The following B3GAT1 variants were observed in gnomAD, a reference collection of about 807,000 sequenced individuals.
B3GAT1 encodes the protein galactosylgalactosylxylosylprotein 3-beta-glucuronosyltransferase 1.
B3GAT1 carries 11 observed loss-of-function variants against 28.4 expected under a neutral mutation model. The ratio of observed to expected loss-of-function variants is 0.39; its 90% CI spans 0.24 to 0.64. The LOEUF (loss-of-function observed/expected upper bound fraction) is 0.64, where lower values mean the gene tolerates loss of function less well. Ranked by LOEUF, B3GAT1 falls within the 30% of genes least tolerant of loss-of-function variation. The pLI is 0.50. For missense variants in B3GAT1, 375 were observed against 491.0 expected, an observed-to-expected ratio of 0.76 and a Z score of 2.23; for synonymous variants, 255 against 223.1, an observed-to-expected ratio of 1.14 and a Z score of -1.27.
intron 1 of B3GAT1, among the ~76,000 whole-genome samples, chr11:134,398,868 G>T (rs1466622854): frequency 6.6e-6 from 1 of 152,242 alleles, no homozygotes; most frequent in Non-Finnish European, 1.5e-5. Flanking sequence ...CCCTGCCCTT[G>T]TTCATCAGAG....
Position 134,393,705 on chromosome 11 carries a change from C to T in B3GAT1, c.-281-5765G>A, listed in dbSNP as rs1046952687. ...TGAGTGCTGTGAACAGGCTGGGAAC[C>T]GGCGTCACTGACTCTTGAGGGCGTG... is the stretch of plus-strand genomic sequence containing the variant. On this transcript the variant is annotated intron_variant, in intron 1 of 5. Coordinates refer to ENST00000312527, the MANE Select transcript of B3GAT1 (RefSeq NM_054025.3). This position sits in a 1 kb window ranked among gnomAD's most constrained non-coding sequence, Gnocchi z 4.0. 1.6e-4 allele frequency among the ~76,000 whole-genome samples: 24 copies of T among 152,158 alleles called. 1 individual carries two copies. Among genetic ancestry groups the T allele is most frequent in the African/African-American group, 2.9e-4 (12 of 41,426 alleles).
chr11:134,384,720 A>T (rs1331523878), intron 2 of B3GAT1: 1 of 153,624 alleles, frequency 6.5e-6, no homozygotes, highest in Non-Finnish European at 1.4e-5. Context: ...CAAGCCCTCC[A>T]GTCAAGCGGG....
intron 1 of B3GAT1, among the ~76,000 whole-genome samples, chr11:134,397,278 C>T (rs76423548): frequency 0.043 from 6,551 of 152,228 alleles, 472 homozygotes; most frequent in African/African-American, 0.15. Context: ...GACCCTCCAA[C>T]CCCAGCCTGC....
At position 134,395,525 on chromosome 11, in the gene B3GAT1, G is replaced by A. The variant is rs948985667; in HGVS notation, c.-281-7585C>T. 3.0e-4 allele frequency among the ~76,000 whole-genome samples: 45 copies of A among 152,070 alleles called. 2 individuals are homozygous for A. The highest frequency in any genetic ancestry group is 2.9e-5 in the Non-Finnish European group (2 of 68,016). On this transcript the variant is annotated intron_variant, in intron 1 of 5. Transcript: ENST00000312527. ...ACTTGGCCACTTGACCCCTGCCTGC[G>A]TGATAGGGATTACTGAGGGTCATGC... is the stretch of plus-strand genomic sequence containing the variant.
At chr11:134,383,166 C>T (rs985467132) in intron 3 of B3GAT1, among the ~76,000 whole-genome samples, 160 bp from the exon 4 acceptor site, 1 of 152,166 alleles carries the variant, frequency 6.6e-6, no homozygotes. Flanking sequence ...CAGGACCCAT[C>T]CCATGGGTTG....
Position 134,387,644 on chromosome 11 carries a change from C to T in B3GAT1, c.16G>A (p.Asp6Asn). MPKRR[D>N]ILAIVLIVLP... ...ACGATGAGGACGATCGCTAGGATGT[C>T]CCGTCTCTTCGGCATCTCCAAGGCT... Residue 6 changes from aspartate (D) to asparagine (N), a missense_variant, in exon 2 of 6, where the codon GAC becomes AAC. By Grantham distance (23) the Asp-to-Asn change is conservative. Coordinates refer to ENST00000312527, the MANE Select transcript of B3GAT1 (RefSeq NM_054025.3). 6.2e-7 allele frequency: 1 copy of T among 1,614,144 alleles called. No individual in the cohort carries two copies. The highest frequency in any genetic ancestry group is 2.2e-5 in the East Asian group (1 of 44,886).
chr11:134,410,792 T>C (rs1944838128), intron 1 of B3GAT1, among the ~76,000 whole-genome samples: 1 of 152,210 alleles, frequency 6.6e-6, no homozygotes, highest in Non-Finnish European at 1.5e-5. Flanking sequence ...CATCCAGGCA[T>C]TGCACAGTGC....
chr11:134,381,891 C>T, intron 5 of B3GAT1, 33 bp downstream of exon 5: 1 of 1,555,340 alleles, frequency 6.4e-7, no homozygotes, highest in Non-Finnish European at 8.9e-7. Flanking sequence ...GCCGCCCTGC[C>T]CAGTGTGTGG....
chr11:134,393,677 C>T lies in B3GAT1; in HGVS notation c.-281-5737G>A, dbSNP rs548597207. On this transcript the variant is annotated intron_variant, in intron 1 of 5. Transcript: ENST00000312527. The surrounding 1 kb of genome is among the most constrained non-coding windows in gnomAD (Gnocchi z 4.0). ...TCTGTGATGACAGTAGCAAGCGAGA[C>T]GGTGAGTGCTGTGAACAGGCTGGGA... Among the ~76,000 whole-genome samples, 27 of 152,312 alleles carry T rather than the reference C, an allele frequency of 1.8e-4. No individual in the cohort carries two copies. The highest frequency in any genetic ancestry group is 3.5e-4 in the Non-Finnish European group (24 of 68,040).
intron 1 of B3GAT1, among the ~76,000 whole-genome samples, chr11:134,403,987 A>ATATATATT (rs1421910380): frequency 3.5e-5 from 1 of 28,474 alleles, no homozygotes; most frequent in East Asian, 8.2e-4. Context: ...CTTTCTTTAT[A>ATATATATT]TATATATATA....
chr11:134,400,482 A>G (rs1270427894), intron 1 of B3GAT1, among the ~76,000 whole-genome samples: 1 of 152,216 alleles, frequency 6.6e-6, no homozygotes, highest in African/African-American at 2.4e-5. Context: ...TGAATGTTAG[A>G]TCATATAGAA....
chr11:134,400,613 A>C (rs1037033292), intron 1 of B3GAT1, among the ~76,000 whole-genome samples: 2 of 152,234 alleles, frequency 1.3e-5, no homozygotes, highest in Admixed American at 6.5e-5. Flanking sequence ...AATGAACTCA[A>C]GATGGACCAA....
At chr11:134,409,373 C>T (rs1221244330) in intron 1 of B3GAT1, among the ~76,000 whole-genome samples, 1 of 152,174 alleles carries the variant, frequency 6.6e-6, no homozygotes, top group East Asian at 1.9e-4. Flanking sequence ...TTTCCCCAGA[C>T]CCCACATCCT....
Position 134,383,823 on chromosome 11 carries a change from C to T in B3GAT1, c.478G>A (p.Asp160Asn), listed in dbSNP as rs1222311611. 6.3e-7 allele frequency: 1 copy of T among 1,595,378 alleles called. No homozygotes were observed. The highest frequency in any genetic ancestry group is 1.1e-5 in the South Asian group (1 of 89,054). The change falls in exon 3 of 6, where the codon GAC becomes AAC. Residue 160 changes from aspartate (D) to asparagine (N), a missense_variant. Asp to Asn is a conservative substitution (Grantham distance 23). Coordinates refer to ENST00000312527, the MANE Select transcript of B3GAT1 (RefSeq NM_054025.3). ...ATGGTGCCCCGCGGGATGCGTGGGT[C>T]GCGGGCGTCTCCGCGCAGCTTGTAG... ...RNYKLRGDAR[D>N]PRIPRGTMQR...
At chr11:134,395,565 G>A (rs550091051) in intron 1 of B3GAT1, among the ~76,000 whole-genome samples, 11 of 152,250 alleles carry the variant, frequency 7.2e-5, no homozygotes, top group African/African-American at 1.9e-4. Context: ...TTTGGGATTT[G>A]TGGGACTGGC....
chr11:134,401,311 G>A (rs1944609224), intron 1 of B3GAT1, among the ~76,000 whole-genome samples: 1 of 152,212 alleles, frequency 6.6e-6, no homozygotes, highest in Non-Finnish European at 1.5e-5. Flanking sequence ...TCATAACAGG[G>A]AACTGATGGA....
At chr11:134,386,683 A>C (rs967728915) in intron 2 of B3GAT1, 1 of 152,242 alleles carries the variant, frequency 6.6e-6, no homozygotes, top group African/African-American at 2.4e-5. Flanking sequence ...AACACACTGC[A>C]GGCCAGAAAT....
intron 1 of B3GAT1, chr11:134,388,420 CTCT>C (rs1944343003): frequency 6.3e-6 from 1 of 157,950 alleles, no homozygotes; most frequent in African/African-American, 2.4e-5. Context: ...TTTTCTCTCT[CTCT>C]TTTTTCTTTT....
intron 1 of B3GAT1, chr11:134,388,488 A>C (rs1466879537): frequency 6.4e-6 from 1 of 155,804 alleles, no homozygotes; most frequent in Non-Finnish European, 1.4e-5. Context: ...TCAACATTTT[A>C]GATTTGGGGG....
Sources: gnomAD v4.1 joint callset for allele counts (sites outside exome capture counted in the v4.1 genomes callset) on GRCh38, gnomAD v4.1.1 for gene constraint, Gnocchi (gnomAD v3.1) non-coding constraint, MANE v1.5 for transcripts, NCBI Gene and HGNC (gene_info 2026-07-23, HGNC 2026-07-21) for gene names.